Variants in HNRNPM observed in about 807,000 individuals in gnomAD.
HNRNPM encodes CEA receptor.
Under a neutral mutation model 73.1 loss-of-function variants are expected in HNRNPM, and 11 were observed. The ratio of observed to expected loss-of-function variants is 0.15; its 90% CI spans 0.09 to 0.25. The LOEUF (loss-of-function observed/expected upper bound fraction) is 0.25, where lower values mean the gene tolerates loss of function less well. Ranked by LOEUF, HNRNPM falls within the 10% of genes least tolerant of loss-of-function variation. HNRNPM has a pLI of 1.00. For synonymous variants in HNRNPM, 407 were observed against 355.2 expected, an observed-to-expected ratio of 1.15 and a Z score of -1.64; for missense variants, 789 against 1,067.9, an observed-to-expected ratio of 0.74 and a Z score of 3.64.
chr19:8,467,755 G>A (rs1555702583), intron 8 of HNRNPM, among the ~76,000 whole-genome samples, 171 bp downstream of exon 8: 3 of 152,318 alleles, frequency 2.0e-5, no homozygotes, highest in East Asian at 1.9e-4. Context: ...GGTCAGGCGT[G>A]GTGGTTCACG....
In HNRNPM at chr19:8,485,934, C is replaced by A. The variant is rs1419326975; in HGVS notation, c.1506C>A (p.Asp502Glu). ...TTGAGCGCATGGCCGCTCCCATCGA[C>A]CGTGTGGGCCAGACCATTGAGCGCA... ...FGLERMAAPI[D>E]RVGQTIERMG... Residue 502 changes from aspartate to glutamate, a missense_variant, in exon 14 of 16, where the codon GAC becomes GAA. Asp to Glu is a conservative substitution (Grantham distance 45). This residue lies in a region of HNRNPM where 604 missense variants were observed against 744.0 expected (regional missense o/e 0.81). Coordinates refer to ENST00000325495, the MANE Select transcript of HNRNPM (RefSeq NM_005968.5). 6.2e-7 allele frequency: 1 copy of A among 1,605,502 alleles called. No homozygotes were observed. Among genetic ancestry groups the A allele is most frequent in the South Asian group, 1.1e-5 (1 of 91,014 alleles).
At chr19:8,457,394 C>T (rs1969098083) in intron 2 of HNRNPM, among the ~76,000 whole-genome samples, 2 of 152,174 alleles carry the variant, frequency 1.3e-5, no homozygotes, top group African/African-American at 4.8e-5. Context: ...TACTTCCAAA[C>T]TGGTTCTCAT....
At chr19:8,478,932 G>A (rs990163354) in intron 12 of HNRNPM, among the ~76,000 whole-genome samples, 1 of 152,162 alleles carries the variant, frequency 6.6e-6, no homozygotes, top group Non-Finnish European at 1.5e-5. Flanking sequence ...ACTTGCTGAT[G>A]CCTTTGACAG....
intron 9 of HNRNPM, among the ~76,000 whole-genome samples, chr19:8,470,467 A>G (rs1382049641): frequency 2.6e-5 from 4 of 151,634 alleles, no homozygotes; most frequent in Non-Finnish European, 5.9e-5. Flanking sequence ...CAGCGATTAC[A>G]GGCATGTGCC....
intron 9 of HNRNPM, among the ~76,000 whole-genome samples, chr19:8,469,424 A>G (rs1355581369): frequency 6.6e-6 from 1 of 152,232 alleles, no homozygotes; most frequent in Non-Finnish European, 1.5e-5. Flanking sequence ...ATTAAATGGT[A>G]GTGATAGTTG....
intron 13 of HNRNPM, among the ~76,000 whole-genome samples, 170 bp downstream of exon 13, chr19:8,483,381 T>A (rs1260161114): frequency 6.6e-6 from 1 of 152,196 alleles, no homozygotes; most frequent in African/African-American, 2.4e-5. Flanking sequence ...AACCTCTCTG[T>A]TTCTCATAGC....
Position 8,444,988 on chromosome 19 carries a change from A to T in HNRNPM, c.-11A>T. On this transcript the variant is annotated 5_prime_UTR_variant, in exon 1 of 16. Transcript: ENST00000325495. Reference sequence around the variant, plus strand: ...GCCCGTTCGCTCACACAAAGCCCAGACGCGGAGAAAATGGCGGCAGGGGTC... The same window carrying T: ...GCCCGTTCGCTCACACAAAGCCCAGTCGCGGAGAAAATGGCGGCAGGGGTC... 1 of 1,404,154 alleles carries T rather than the reference A, an allele frequency of 7.1e-7. No individual in the cohort carries two copies. Among genetic ancestry groups the T allele is most frequent in the Non-Finnish European group, 9.3e-7 (1 of 1,079,274 alleles). 87.0% of individuals were successfully genotyped at this position (1,404,154 alleles called of 1,614,324 possible). A position where few individuals can be genotyped will look rare whatever the true frequency, so the allele number is the denominator to read the frequency against.
chr19:8,487,192 C>A, intron 15 of HNRNPM, 117 bp downstream of exon 15: 1 of 833,744 alleles, frequency 1.2e-6, no homozygotes, highest in Non-Finnish European at 2.1e-6. Context: ...CATGGCCTTG[C>A]CATGTTCTGC....
At chr19:8,458,314 G>A (rs1052230113) in intron 2 of HNRNPM, among the ~76,000 whole-genome samples, 3 of 152,174 alleles carry the variant, frequency 2.0e-5, no homozygotes, top group African/African-American at 7.2e-5. Context: ...GACTTAACAG[G>A]CCACAGCTCC....
At position 8,473,678 on chromosome 19, in the gene HNRNPM, G is replaced by A. The variant is rs1385282644; in HGVS notation, c.1012G>A (p.Gly338Ser). Residue 338 changes from glycine (G) to serine (S), a missense_variant, in exon 11 of 16, where the codon GGC becomes AGC. Gly to Ser is a moderately conservative substitution (Grantham distance 56). Coordinates refer to ENST00000325495, the MANE Select transcript of HNRNPM (RefSeq NM_005968.5). ...TTCTTTTTAAGGAATGGGAATGGAA[G>A]GCATAGGATTTGGAATAAATAAAAT... ...NIGPAGMGME[G>S]IGFGINKMGG... 1 of 1,576,224 alleles carries A rather than the reference G, an allele frequency of 6.3e-7. No individual in the cohort carries two copies. Among genetic ancestry groups the A allele is most frequent in the African/African-American group, 1.3e-5 (1 of 74,178 alleles).
chr19:8,486,485 G>A, intron 14 of HNRNPM, 80 bp downstream of exon 14: 1 of 1,283,874 alleles, frequency 7.8e-7, no homozygotes, highest in Middle Eastern at 2.2e-4. Flanking sequence ...GATGAAGTCA[G>A]AGGTGGCGCC....
At chr19:8,477,660 C>CAAAAAAAAA (rs35193948) in intron 12 of HNRNPM, among the ~76,000 whole-genome samples, 6 of 117,080 alleles carry the variant, frequency 5.1e-5, no homozygotes, top group African/African-American at 1.5e-4. Context: ...AACCCTGTCT[C>CAAAAAAAAA]AAAAAAAAAA....
intron 1 of HNRNPM, among the ~76,000 whole-genome samples, chr19:8,453,725 G>C (rs1335468140): frequency 1.3e-5 from 2 of 152,276 alleles, no homozygotes; most frequent in East Asian, 3.9e-4. Flanking sequence ...AGAAACTTGA[G>C]GTGGCTTCTG....
Position 8,465,571 on chromosome 19 carries a change from TTGTCAATA to T in HNRNPM, c.630+60_630+67del, listed in dbSNP as rs1969688122. ...AAAATCAGAACTTTATGAAATGACC[TTGTCAATA>T]TGTTATAAAAGTAATTCTCACATTT... On this transcript the variant is annotated intron_variant, in intron 6 of 15. Transcript: ENST00000325495. The T allele has an allele frequency of 3.5e-5, 38 of 1,092,076 alleles. No homozygotes were observed. In the South Asian group the frequency reaches 5.7e-4, roughly 16 times the overall value. The allele number at this position is 1,092,076 out of a possible 1,614,324, so 67.6% of individuals were successfully genotyped here.
In HNRNPM at chr19:8,467,603, T is replaced by C. The variant is rs562444600; in HGVS notation, c.834+19T>C. ...CAAGATGGTAAGTCAGTAGGATCTTTCTCTGTGATATACTCAAGTCTAGCA... is the reference window on the plus strand; with the variant it reads ...CAAGATGGTAAGTCAGTAGGATCTTCCTCTGTGATATACTCAAGTCTAGCA... On this transcript the variant is annotated intron_variant, in intron 8 of 15. Coordinates refer to ENST00000325495, the MANE Select transcript of HNRNPM (RefSeq NM_005968.5). 3.9e-4 allele frequency: 614 copies of C among 1,573,202 alleles called. 5 individuals are homozygous for C. In the South Asian group the frequency reaches 5.9e-3, roughly 15 times the overall value.
At chr19:8,466,122 C>G in intron 6 of HNRNPM, 113 bp from the exon 7 acceptor site, 1 of 1,048,072 alleles carries the variant, frequency 9.5e-7, no homozygotes, top group Non-Finnish European at 1.4e-6. Flanking sequence ...GTTTTTGTGA[C>G]ATTATTTCCT....
chr19:8,448,671 G>C (rs968625269), intron 1 of HNRNPM, among the ~76,000 whole-genome samples: 5 of 151,872 alleles, frequency 3.3e-5, no homozygotes, highest in Middle Eastern at 3.4e-3. Flanking sequence ...TTTTAGTAGA[G>C]ATGGGGTTTC....
intron 5 of HNRNPM, among the ~76,000 whole-genome samples, chr19:8,464,751 G>A (rs1170683367): frequency 1.3e-5 from 2 of 152,276 alleles, no homozygotes; most frequent in African/African-American, 4.8e-5. Flanking sequence ...CTTTTTTAGT[G>A]CTGATGGTGG....
At position 8,484,082 on chromosome 19, in the gene HNRNPM, A is replaced by AT. The variant is rs1357780162; in HGVS notation, c.1174+875dup. Among the ~76,000 whole-genome samples, 19 of 149,350 alleles carry AT rather than the reference A, an allele frequency of 1.3e-4. 1 individual carries two copies. Among genetic ancestry groups the AT allele is most frequent in the African/African-American group, 4.7e-4 (19 of 40,490 alleles). ...GGCCCAAATGTACTTTTTCAGCCTGATTTTCCCTCTGAGTATCTTGGCATC... is the reference window on the plus strand; with the variant it reads ...GGCCCAAATGTACTTTTTCAGCCTGATTTTTCCCTCTGAGTATCTTGGCATC... On this transcript the variant is annotated intron_variant, in intron 13 of 15. Transcript: ENST00000325495.
Sources: allele counts gnomAD v4.1 joint callset (sites outside exome capture counted in the v4.1 genomes callset), GRCh38; gene constraint gnomAD v4.1.1; regional missense constraint gnomAD v4.1.1; transcripts MANE v1.5; gene names NCBI Gene and HGNC (gene_info 2026-07-23, HGNC 2026-07-21).